RBFOX1: variants seen among roughly 807,000 people sequenced by gnomAD.
The protein encoded by RBFOX1 is RNA binding protein fox-1 homolog 1.
RBFOX1 carries 8 observed loss-of-function variants against 57.7 expected under a neutral mutation model. That is an observed-to-expected ratio of 0.14 (90% confidence interval 0.08 to 0.25). The LOEUF is 0.25. Among genes scored for constraint, RBFOX1 ranks in the 10% least tolerant of loss-of-function variants. The pLI, the probability that RBFOX1 is intolerant of heterozygous loss-of-function variation, is 1.00. For synonymous variants in RBFOX1, 326 were observed against 222.4 expected, an observed-to-expected ratio of 1.47 and a Z score of -4.15; for missense variants, 611 against 548.5, an observed-to-expected ratio of 1.11 and a Z score of -1.14.
chr16:7,021,132 A>C (rs1205773165), intron 3 of RBFOX1, among the ~76,000 whole-genome samples: 1 of 152,022 alleles, frequency 6.6e-6, no homozygotes, highest in Non-Finnish European at 1.5e-5. Flanking sequence ...TTTTTCAAAA[A>C]AATTGTTTTT....
At chr16:6,295,210 G>T (rs1289103997) in intron 1 of RBFOX1, among the ~76,000 whole-genome samples, 1 of 148,832 alleles carries the variant, frequency 6.7e-6, no homozygotes, top group Non-Finnish European at 1.5e-5. Context: ...TGCAAACTCT[G>T]CCTCCTAGGT....
At chr16:7,284,439 T>C (rs919824690) in intron 4 of RBFOX1, among the ~76,000 whole-genome samples, 9 of 152,164 alleles carry the variant, frequency 5.9e-5, no homozygotes, top group South Asian at 4.1e-4. Context: ...CAAGCAGTCC[T>C]CCCACCTCAG....
intron 14 of RBFOX1, among the ~76,000 whole-genome samples, chr16:7,684,246 C>T (rs539903990): frequency 6.1e-4 from 93 of 152,092 alleles, no homozygotes; most frequent in African/African-American, 2.0e-3. Flanking sequence ...AATCACAATG[C>T]TTGGTTCCTG....
chr16:7,353,923 G>C (rs1235674628), intron 4 of RBFOX1, among the ~76,000 whole-genome samples: 1 of 152,150 alleles, frequency 6.6e-6, no homozygotes, highest in Non-Finnish European at 1.5e-5. Context: ...TTCATACACA[G>C]TTGTACAGTT....
chr16:7,350,577 A>C (rs2097110385), intron 4 of RBFOX1, among the ~76,000 whole-genome samples: 1 of 152,210 alleles, frequency 6.6e-6, no homozygotes, highest in Non-Finnish European at 1.5e-5. Context: ...AGGATGGACA[A>C]ATAATCTTTA....
At position 5,552,549 on chromosome 16, in the gene RBFOX1, C is replaced by G. The variant is rs1022118429; in HGVS notation, c.259-46353C>G. 3.9e-5 allele frequency among the ~76,000 whole-genome samples: 6 copies of G among 152,284 alleles called. 1 individual carries two copies. In the Middle Eastern group the frequency reaches 0.014, roughly 345 times the overall value. ...CAGGGGCAGAGAAGTGGTTAGAAGC[C>G]TGGCTTTTCTCTCCACCCACAGGAA... On this transcript the variant is annotated intron_variant, in intron 2 of 2. Transcript: ENST00000585867.
chr16:6,605,703 G>A (rs558976517), intron 2 of RBFOX1, among the ~76,000 whole-genome samples: 1 of 152,332 alleles, frequency 6.6e-6, no homozygotes, highest in South Asian at 2.1e-4. Context: ...GCAGGGCCTA[G>A]ATGCTGTGTC....
chr16:7,589,262 T>G lies in RBFOX1; in HGVS notation c.468+1962T>G, dbSNP rs138245638. Among the ~76,000 whole-genome samples the G allele has an allele frequency of 1.5e-3, 235 of 152,338 alleles. 1 individual carries two copies. The highest frequency in any genetic ancestry group is 5.3e-3 in the African/African-American group (220 of 41,586). ...TGTTGTTGTTGTTTTTTAATATGTT[T>G]AATTTATATTTTGTTTTGTAACTTT... On this transcript the variant is annotated intron_variant, in intron 7 of 15. Coordinates refer to ENST00000550418, the MANE Select transcript of RBFOX1 (RefSeq NM_018723.4).
At chr16:6,861,967 G>C (rs1224229554) in intron 3 of RBFOX1, among the ~76,000 whole-genome samples, 1 of 151,770 alleles carries the variant, frequency 6.6e-6, no homozygotes, top group Non-Finnish European at 1.5e-5. Flanking sequence ...TATGCAATGG[G>C]AGGCTTGAAT....
chr16:6,731,589 C>T (rs12932056), intron 3 of RBFOX1, among the ~76,000 whole-genome samples: 131,478 of 151,832 alleles, frequency 0.87, 59,457 homozygotes, highest in Non-Finnish European at 1. Context: ...ATTAATACTC[C>T]AGGGAATAGC....
At chr16:6,605,614 C>A (rs900063133) in intron 2 of RBFOX1, among the ~76,000 whole-genome samples, 1 of 152,190 alleles carries the variant, frequency 6.6e-6, no homozygotes, top group African/African-American at 2.4e-5. Flanking sequence ...GTAGTGACTT[C>A]AAGTACAGAG....
At chr16:6,119,099 G>A (rs1477011047) in intron 1 of RBFOX1, among the ~76,000 whole-genome samples, 1 of 150,874 alleles carries the variant, frequency 6.6e-6, no homozygotes, top group Non-Finnish European at 1.5e-5. Flanking sequence ...TAATATGTCC[G>A]AGTGTCAGTT....
chr16:7,590,806 C>A (rs1202570036), intron 7 of RBFOX1, among the ~76,000 whole-genome samples: 2 of 146,552 alleles, frequency 1.4e-5, no homozygotes, highest in Non-Finnish European at 3.0e-5. Context: ...TTGCAGTGAG[C>A]CGAGATCAAG....
rs2065785810 is a variant in RBFOX1 at position 7,654,240 on chromosome 16, C to CAAAG, written c.890+295_890+298dup. ...TGGAGAACAGAGAAATGGTTACAGCCAAAGATGTATTTCTGATGATTGCAA... is the reference window on the plus strand; with the variant it reads ...TGGAGAACAGAGAAATGGTTACAGCCAAAGAAAGATGTATTTCTGATGATTGCAA... On this transcript the variant is annotated intron_variant, in intron 12 of 15. Coordinates refer to ENST00000550418, the MANE Select transcript of RBFOX1 (RefSeq NM_018723.4). Among the ~76,000 whole-genome samples, 3 of 152,146 alleles carry CAAAG rather than the reference C, an allele frequency of 2.0e-5. No homozygotes were observed. In the South Asian group the frequency reaches 6.2e-4, roughly 32 times the overall value.
intron 1 of RBFOX1, among the ~76,000 whole-genome samples, chr16:6,264,091 C>T (rs1052268949): frequency 2.6e-5 from 4 of 152,150 alleles, no homozygotes; most frequent in African/African-American, 9.7e-5. Flanking sequence ...TTCATAGAGT[C>T]TCAAAACTTA....
intron 4 of RBFOX1, among the ~76,000 whole-genome samples, chr16:7,252,701 T>TC (rs1372690384): frequency 6.6e-6 from 1 of 152,134 alleles, no homozygotes; most frequent in Non-Finnish European, 1.5e-5. Context: ...CATCCTTTTT[T>TC]TTTTTTTTTA....
At chr16:6,852,248 A>G (rs1385925598) in intron 3 of RBFOX1, among the ~76,000 whole-genome samples, 1 of 152,096 alleles carries the variant, frequency 6.6e-6, no homozygotes, top group Non-Finnish European at 1.5e-5. Context: ...ACATGACTGC[A>G]GTCTCTGCCT....
chr16:6,993,303 G>A (rs934715001), intron 3 of RBFOX1, among the ~76,000 whole-genome samples: 1 of 152,110 alleles, frequency 6.6e-6, no homozygotes, highest in African/African-American at 2.4e-5. Flanking sequence ...CTGAGAATCA[G>A]GATCTCTTGA....
intron 4 of RBFOX1, among the ~76,000 whole-genome samples, chr16:7,254,868 A>G (rs1346392930): frequency 6.6e-6 from 1 of 152,166 alleles, no homozygotes; most frequent in Non-Finnish European, 1.5e-5. Context: ...TGAAATAGGT[A>G]TGAATTTTTC....
Sources: allele counts gnomAD v4.1 joint callset (sites outside exome capture counted in the v4.1 genomes callset), GRCh38; gene constraint gnomAD v4.1.1; transcripts MANE v1.5; gene names NCBI Gene and HGNC (gene_info 2026-07-23, HGNC 2026-07-21).